The following DIP2C variants were observed in gnomAD, a reference collection of about 807,000 sequenced individuals.
The protein encoded by DIP2C is disco-interacting protein 2 homolog C.
DIP2C carries 33 observed loss-of-function variants against 192.4 expected under a neutral mutation model. The ratio of observed to expected loss-of-function variants is 0.17; its 90% CI spans 0.13 to 0.23. The LOEUF (loss-of-function observed/expected upper bound fraction) is 0.23, where lower values mean the gene tolerates loss of function less well. DIP2C is among the 10% of genes least tolerant of loss of function. DIP2C has a pLI of 1.00. For synonymous variants in DIP2C, 979 were observed against 864.1 expected (o/e 1.13, Z -2.33); for missense variants, 1,537 against 2,110.1 (o/e 0.73, Z 5.32).
At chr10:306,442 G>C (rs373828386) in intron 32 of DIP2C, among the ~76,000 whole-genome samples, 1 of 152,170 alleles carries the variant, frequency 6.6e-6, no homozygotes, top group Non-Finnish European at 1.5e-5. Flanking sequence ...CAAGGAAATT[G>C]CATGTGCATA....
At chr10:570,899 G>C (rs560534995) in intron 1 of DIP2C, among the ~76,000 whole-genome samples, 1 of 152,250 alleles carries the variant, frequency 6.6e-6, no homozygotes, top group Admixed American at 6.5e-5. Flanking sequence ...ATGTACTGCT[G>C]CAACAGCAGC....
chr10:686,248 C>T (rs1484516269), intron 1 of DIP2C, among the ~76,000 whole-genome samples: 1 of 152,186 alleles, frequency 6.6e-6, no homozygotes, highest in Non-Finnish European at 1.5e-5. Flanking sequence ...GCCTCCCCAC[C>T]CTCATGGCCT....
chr10:601,417 C>A (rs1036526348), intron 1 of DIP2C, among the ~76,000 whole-genome samples: 1 of 152,202 alleles, frequency 6.6e-6, no homozygotes, highest in Non-Finnish European at 1.5e-5. Context: ...TGTAATCTTA[C>A]GGAGAAACTG....
intron 1 of DIP2C, among the ~76,000 whole-genome samples, chr10:525,943 C>T (rs1339222945): frequency 6.6e-6 from 1 of 152,208 alleles, no homozygotes; most frequent in Non-Finnish European, 1.5e-5. Flanking sequence ...AGGTGAGCTG[C>T]TGCCCAGAGG....
intron 1 of DIP2C, among the ~76,000 whole-genome samples, chr10:581,194 T>TAC (rs1172475121): frequency 6.6e-6 from 1 of 152,184 alleles, no homozygotes; most frequent in African/African-American, 2.4e-5. Context: ...TTCTGATACT[T>TAC]ACTCTAGTCT....
At chr10:655,923 A>G (rs1856267973) in intron 1 of DIP2C, among the ~76,000 whole-genome samples, 1 of 149,972 alleles carries the variant, frequency 6.7e-6, no homozygotes, top group Admixed American at 6.6e-5. Context: ...ATACTATACT[A>G]TATGTTACAC....
At chr10:494,924 AC>A (rs1446424457) in intron 1 of DIP2C, among the ~76,000 whole-genome samples, 1 of 152,224 alleles carries the variant, frequency 6.6e-6, no homozygotes, top group Non-Finnish European at 1.5e-5. Flanking sequence ...AGGGAGAGAT[AC>A]CTGCATGCTC....
intron 6 of DIP2C, among the ~76,000 whole-genome samples, chr10:418,001 C>T (rs1372214242): frequency 2.0e-5 from 2 of 100,042 alleles, no homozygotes; most frequent in African/African-American, 8.2e-5. Context: ...TCCACCTGCA[C>T]CTGTCAGGGC....
intron 32 of DIP2C, among the ~76,000 whole-genome samples, chr10:300,966 A>C (rs2132264102): frequency 6.6e-6 from 1 of 152,348 alleles, no homozygotes; most frequent in South Asian, 2.1e-4. Flanking sequence ...ATTAAACAGA[A>C]AAATAAGCTT....
intron 7 of DIP2C, among the ~76,000 whole-genome samples, chr10:414,785 A>G (rs1393759459): frequency 3.6e-5 from 5 of 137,326 alleles, no homozygotes; most frequent in African/African-American, 1.4e-4. Flanking sequence ...GTGTATATAT[A>G]TATAAAATGT....
intron 1 of DIP2C, among the ~76,000 whole-genome samples, chr10:684,500 T>C (rs1332586367): frequency 6.6e-6 from 1 of 152,228 alleles, no homozygotes; most frequent in Non-Finnish European, 1.5e-5. Context: ...GAGTAAACTA[T>C]TTCTTTTCAA....
In DIP2C at chr10:363,352, G is replaced by T; in HGVS notation, c.2478-41C>A. The T allele has an allele frequency of 6.4e-7, 1 of 1,563,958 alleles. No homozygotes were observed. Among genetic ancestry groups the T allele is most frequent in the Non-Finnish European group, 8.7e-7 (1 of 1,144,152 alleles). On this transcript the variant is annotated intron_variant, in intron 20 of 36. Coordinates refer to ENST00000280886, the MANE Select transcript of DIP2C (RefSeq NM_014974.3). This position sits in a 1 kb window ranked among gnomAD's most constrained non-coding sequence, Gnocchi z 5.4. The stretch of plus-strand genomic sequence containing the variant: ...AGCATGGTGAGCACGCGCCGGGGAC[G>T]CTCATGCAGCCCTCCCTCCGCCATC...
intron 4 of DIP2C, among the ~76,000 whole-genome samples, chr10:433,819 A>G (rs1453641929): frequency 1.3e-5 from 2 of 152,222 alleles, no homozygotes; most frequent in African/African-American, 2.4e-5. Context: ...TTAGACTGAC[A>G]TTGAAAGTGA....
intron 1 of DIP2C, among the ~76,000 whole-genome samples, chr10:635,630 G>A (rs1054291964): frequency 7.9e-5 from 12 of 152,352 alleles, no homozygotes; most frequent in East Asian, 5.8e-4. Context: ...GCAGGAGGCC[G>A]TGGCCAGCCC....
chr10:564,165 A>T (rs1241781869), intron 1 of DIP2C, among the ~76,000 whole-genome samples: 6 of 152,192 alleles, frequency 3.9e-5, no homozygotes, highest in Admixed American at 2.6e-4. Context: ...GTCTGAGTCC[A>T]TGGTGGTCCT....
At chr10:557,739 G>A in intron 1 of DIP2C, among the ~76,000 whole-genome samples, 1 of 53,514 alleles carries the variant, frequency 1.9e-5, no homozygotes, top group Non-Finnish European at 3.6e-5. Flanking sequence ...GGGGAAGGGG[G>A]AGAGGATGGG....
chr10:381,672 C>G (rs1962387613), intron 17 of DIP2C, among the ~76,000 whole-genome samples: 1 of 152,224 alleles, frequency 6.6e-6, no homozygotes, highest in Non-Finnish European at 1.5e-5. Flanking sequence ...TGTCTGTGTC[C>G]TGGTCAATGC....
At chr10:649,342 A>T (rs559011005) in intron 1 of DIP2C, among the ~76,000 whole-genome samples, 63 of 145,114 alleles carry the variant, frequency 4.3e-4, no homozygotes, top group African/African-American at 1.5e-3. Flanking sequence ...GGTGGGAGAG[A>T]ACAGGGAAAC....
chr10:288,328 G>C (rs1423176891), intron 33 of DIP2C, 36 bp downstream of exon 33: 1 of 1,596,422 alleles, frequency 6.3e-7, no homozygotes, highest in African/African-American at 1.3e-5. Flanking sequence ...GAAGCGAACG[G>C]ATACAGAAAT....
Sources: gnomAD v4.1 joint callset for allele counts (sites outside exome capture counted in the v4.1 genomes callset) on GRCh38, gnomAD v4.1.1 for gene constraint, Gnocchi (gnomAD v3.1) non-coding constraint, MANE v1.5 for transcripts, NCBI Gene and HGNC (gene_info 2026-07-23, HGNC 2026-07-21) for gene names.